Variants in BCAR3 observed in about 807,000 individuals in gnomAD.
The protein encoded by BCAR3 is BCAR3 adaptor protein, NSP family member.
A neutral mutation model predicts 80.1 loss-of-function variants in BCAR3; 37 were observed. That is an observed-to-expected ratio of 0.46 (90% confidence interval 0.36 to 0.61). The LOEUF is 0.61. Among genes scored for constraint, BCAR3 ranks in the 20% least tolerant of loss-of-function variants. The pLI is 0.00. For synonymous variants in BCAR3, 389 were observed against 418.9 expected, an observed-to-expected ratio of 0.93 and a Z score of 0.87; for missense variants, 978 against 1,068.2, an observed-to-expected ratio of 0.92 and a Z score of 1.18.
At chr1:93,645,640 G>A (rs967202297) in intron 2 of BCAR3, among the ~76,000 whole-genome samples, 2 of 148,948 alleles carry the variant, frequency 1.3e-5, no homozygotes, top group Non-Finnish European at 3.0e-5. Flanking sequence ...CAGGATCTTT[G>A]TGTGTGTGTG....
At chr1:93,704,161 GCC>G (rs1649748149) in intron 3 of BCAR3, among the ~76,000 whole-genome samples, 1 of 152,168 alleles carries the variant, frequency 6.6e-6, no homozygotes, top group Non-Finnish European at 1.5e-5. Context: ...TTGTGGAGGT[GCC>G]TTCATTTGGA....
At chr1:93,704,685 A>T (rs924658165) in intron 3 of BCAR3, among the ~76,000 whole-genome samples, 4 of 152,160 alleles carry the variant, frequency 2.6e-5, no homozygotes, top group Admixed American at 6.5e-5. Context: ...GGCATGATCT[A>T]TTGTACTTTT....
At chr1:93,796,620 G>A (rs948237328) in intron 2 of BCAR3, among the ~76,000 whole-genome samples, 12 of 152,156 alleles carry the variant, frequency 7.9e-5, no homozygotes, top group Non-Finnish European at 2.9e-5. Context: ...TGTCTTCTGC[G>A]TCGCTCACGC....
intron 1 of BCAR3, 150 bp from the exon 2 acceptor site, chr1:93,675,091 G>T: frequency 1.6e-6 from 1 of 625,606 alleles, no homozygotes; most frequent in Non-Finnish European, 2.5e-6. Flanking sequence ...CACTAGTGGA[G>T]TCTAATAAGA....
chr1:93,846,607 C>T (rs981305535), intron 1 of BCAR3, among the ~76,000 whole-genome samples: 10 of 152,114 alleles, frequency 6.6e-5, no homozygotes, highest in Non-Finnish European at 1.2e-4. Context: ...CCGTCCCCAC[C>T]GCTCGCAGCC....
At chr1:93,588,352 C>T (rs966861972) in intron 5 of BCAR3, among the ~76,000 whole-genome samples, 2 of 152,156 alleles carry the variant, frequency 1.3e-5, no homozygotes, top group Admixed American at 6.5e-5. Context: ...CCCTCCACTC[C>T]ACTCCTGCAG....
intron 3 of BCAR3, among the ~76,000 whole-genome samples, chr1:93,596,392 A>G (rs1179165309): frequency 1.3e-5 from 2 of 152,316 alleles, no homozygotes; most frequent in Admixed American, 1.3e-4. Context: ...CTCCTAGCTC[A>G]TTTCCAACTC....
At chr1:93,787,745 T>C (rs139574807) in intron 2 of BCAR3, among the ~76,000 whole-genome samples, 2 of 152,362 alleles carry the variant, frequency 1.3e-5, no homozygotes, top group African/African-American at 2.4e-5. Flanking sequence ...TGGTCTATCT[T>C]GGAGAATGTT....
intron 2 of BCAR3, among the ~76,000 whole-genome samples, chr1:93,667,453 T>C (rs1381191943): frequency 6.6e-6 from 1 of 152,216 alleles, no homozygotes; most frequent in African/African-American, 2.4e-5. Context: ...TGCTATAGAG[T>C]TCACACATCT....
At chr1:93,632,222 T>C (rs1262065826) in intron 3 of BCAR3, among the ~76,000 whole-genome samples, 1 of 152,174 alleles carries the variant, frequency 6.6e-6, no homozygotes, top group East Asian at 1.9e-4. Flanking sequence ...TTATGCATTA[T>C]TGGGAAGGCA....
chr1:93,643,239 A>G (rs111902312), intron 2 of BCAR3, among the ~76,000 whole-genome samples: 26 of 149,470 alleles, frequency 1.7e-4, no homozygotes, highest in Non-Finnish European at 2.4e-4. Context: ...AAAAAAAAAA[A>G]GAGGCCAGGC....
intron 3 of BCAR3, among the ~76,000 whole-genome samples, chr1:93,634,720 C>CAAAAAA (rs71588503): frequency 7.7e-6 from 1 of 129,508 alleles, no homozygotes; most frequent in African/African-American, 2.9e-5. Context: ...ACAACAACAA[C>CAAAAAA]AAAAAAAAAA....
intron 2 of BCAR3, among the ~76,000 whole-genome samples, chr1:93,649,388 C>T (rs1676251121): frequency 6.6e-6 from 1 of 152,200 alleles, no homozygotes; most frequent in Non-Finnish European, 1.5e-5. Context: ...ACCACCCACA[C>T]ACAGCACCTG....
chr1:93,665,962 C>T (rs1647889403), intron 2 of BCAR3, among the ~76,000 whole-genome samples: 1 of 152,142 alleles, frequency 6.6e-6, no homozygotes, highest in Non-Finnish European at 1.5e-5. Context: ...CAGACTGTAC[C>T]TGCAAACTAT....
chr1:93,664,168 GGA>G (rs1267092032), intron 2 of BCAR3, among the ~76,000 whole-genome samples: 2 of 151,788 alleles, frequency 1.3e-5, no homozygotes, highest in Non-Finnish European at 2.9e-5. Flanking sequence ...GCCCCAGGCT[GGA>G]GTGCAATGGC....
At chr1:93,826,744 A>G (rs1654386724) in intron 2 of BCAR3, among the ~76,000 whole-genome samples, 1 of 152,176 alleles carries the variant, frequency 6.6e-6, no homozygotes, top group Non-Finnish European at 1.5e-5. Flanking sequence ...AGTACACTGA[A>G]GTCGAAACTT....
intron 1 of BCAR3, among the ~76,000 whole-genome samples, chr1:93,846,142 G>C (rs571738963): frequency 6.7e-6 from 1 of 149,022 alleles, no homozygotes; most frequent in Non-Finnish European, 1.5e-5. Context: ...GCTTCGTCTT[G>C]GGGTTAAGTA....
chr1:93,632,532 G>A (rs979828166), intron 3 of BCAR3, among the ~76,000 whole-genome samples: 3 of 152,142 alleles, frequency 2.0e-5, no homozygotes, highest in Admixed American at 6.5e-5. Context: ...TAGATTAGGT[G>A]TATTAAATGC....
rs184695833 is a variant in BCAR3, at chr1:93,598,264, G to C, written c.358-5871C>G. ...TTCTGAAGACGGGACGGGGAGGGGT[G>C]CACTTGGGCGATCTGTCAGAAACCC... On this transcript the variant is annotated intron_variant, in intron 3 of 11. Transcript: ENST00000260502. 5.2e-4 allele frequency among the ~76,000 whole-genome samples: 79 copies of C among 152,286 alleles called. 1 individual carries two copies. The highest frequency in any genetic ancestry group is 4.8e-3 in the Admixed American group (73 of 15,306).
Sources: gnomAD v4.1 joint callset for allele counts (sites outside exome capture counted in the v4.1 genomes callset) on GRCh38, gnomAD v4.1.1 for gene constraint, MANE v1.5 for transcripts, NCBI Gene and HGNC (gene_info 2026-07-23, HGNC 2026-07-21) for gene names.